Variants in DNAI4 observed in about 807,000 individuals in gnomAD.
DNAI4 encodes dynein axonemal intermediate chain 4, also known as WD repeat domain 78.
DNAI4 carries 85 observed loss-of-function variants against 105.8 expected under a neutral mutation model. That is an observed-to-expected ratio of 0.80 (90% CI 0.67 to 0.96). The LOEUF (loss-of-function observed/expected upper bound fraction) is 0.96. Ranked by LOEUF, DNAI4 falls within the 40% of genes least tolerant of loss-of-function variation. DNAI4 has a pLI of 0.00. For synonymous variants in DNAI4, 352 were observed against 331.5 expected (o/e 1.06, Z -0.67); for missense variants, 1,014 against 1,005.6 (o/e 1.01, Z -0.11).
rs141206309 is a variant in DNAI4 at position 66,912,542 on chromosome 1, T to C, written c.171-7167A>G. On this transcript the variant is annotated intron_variant, in intron 1 of 16. Transcript: ENST00000371026. The stretch of plus-strand genomic sequence containing the variant: ...ACCTGTGACCTGGAAGCCTTCTCTC[T>C]GCTTCAAGTTGTTCCACCTTTCTGG... Among the ~76,000 whole-genome samples the C allele has an allele frequency of 7.9e-5, 12 of 152,272 alleles. No individual in the cohort carries two copies. In the East Asian group the frequency reaches 2.3e-3, roughly 29 times the overall value.
chr1:66,870,748 C>CAAAAAAAAAAAA (rs1184105731), intron 6 of DNAI4: 1 of 16,608 alleles, frequency 6.0e-5, no homozygotes, highest in Non-Finnish European at 1.1e-4. Context: ...GACTCTGACG[C>CAAAAAAAAAAAA]AAAAAAAAAA....
rs942929155 is a variant in DNAI4 at position 66,813,300 on chromosome 1, C to G, written c.*830G>C. 3.3e-5 allele frequency: 5 copies of G among 152,358 alleles called. No individual in the cohort carries two copies. The highest frequency in any genetic ancestry group is 1.2e-4 in the African/African-American group (5 of 41,438). The allele number at this position is 152,358 out of a possible 1,614,324, so 9.4% of individuals were successfully genotyped here. On this transcript the variant is annotated 3_prime_UTR_variant, in exon 17 of 17. Coordinates refer to ENST00000371026, the MANE Select transcript of DNAI4 (RefSeq NM_024763.5). Reference sequence around the variant, plus strand: ...GTTAAAACAAACTGCATAGAATGGCCTGTTAGCAATGAATATTTGGAGGAG... The same window carrying G: ...GTTAAAACAAACTGCATAGAATGGCGTGTTAGCAATGAATATTTGGAGGAG...
At chr1:66,836,469 AG>A (rs1247803457) in intron 10 of DNAI4, among the ~76,000 whole-genome samples, 2 of 152,190 alleles carry the variant, frequency 1.3e-5, no homozygotes, top group Admixed American at 6.5e-5. Flanking sequence ...CTAATCATCT[AG>A]CATATAATTC....
chr1:66,834,045 A>G lies in DNAI4; in HGVS notation c.1837T>C (p.Ser613Pro), dbSNP rs1645926715. ...DGKREILVSI[S>P]ADGRISKWVI... ...CATTTGGAGATTCTTCCATCTGCTGATATAGAAACTAGTATTTCTCTTTTG... is the reference window on the plus strand; with the variant it reads ...CATTTGGAGATTCTTCCATCTGCTGGTATAGAAACTAGTATTTCTCTTTTG... Residue 613 changes from serine (S) to proline (P), a missense_variant, in exon 12 of 17, where the codon TCA (serine) becomes CCA (proline). Ser to Pro is a moderately conservative substitution (Grantham distance 74). Coordinates refer to ENST00000371026, the MANE Select transcript of DNAI4 (RefSeq NM_024763.5). 1.2e-6 allele frequency: 2 copies of G among 1,612,382 alleles called. No homozygotes were observed. The highest frequency in any genetic ancestry group is 1.7e-5 in the Admixed American group (1 of 59,736).
intron 1 of DNAI4, among the ~76,000 whole-genome samples, chr1:66,916,305 A>C (rs1441510175): frequency 6.6e-6 from 1 of 152,174 alleles, no homozygotes; most frequent in Non-Finnish European, 1.5e-5. Flanking sequence ...ATTGAGATTA[A>C]ATTTTTTTTA....
At chr1:66,909,285 TACACACACACACACACACAC>T (rs71058481) in intron 1 of DNAI4, among the ~76,000 whole-genome samples, 1 of 134,466 alleles carries the variant, frequency 7.4e-6, no homozygotes, top group Admixed American at 7.5e-5. Flanking sequence ...CACCTCTCTC[TACACACACACACACACACAC>T]ACACACACAC....
chr1:66,902,234 G>A lies in DNAI4; in HGVS notation c.345+2967C>T, dbSNP rs144463206. Among the ~76,000 whole-genome samples, 574 of 151,706 alleles carry A rather than the reference G, an allele frequency of 3.8e-3. 3 individuals carry two copies. The highest frequency in any genetic ancestry group is 0.013 in the African/African-American group (528 of 41,398). ...GTCTTACCAACACTTATTTTGTTTTGTTTTTTTTAATAGTAGCTGTCATAA... is the reference window on the plus strand; with the variant it reads ...GTCTTACCAACACTTATTTTGTTTTATTTTTTTTAATAGTAGCTGTCATAA... On this transcript the variant is annotated intron_variant, in intron 2 of 16. Transcript: ENST00000371026.
Position 66,862,105 on chromosome 1 carries a change from T to C in DNAI4, c.1096+42A>G, listed in dbSNP as rs1646638301. 3.9e-6 allele frequency: 6 copies of C among 1,530,548 alleles called. No homozygotes were observed. In the African/African-American group the frequency reaches 4.2e-5, roughly 11 times the overall value. The allele number at this position is 1,530,548 out of a possible 1,614,324, so 94.8% of individuals were successfully genotyped here. A position where few individuals can be genotyped will look rare whatever the true frequency, so the allele number is the denominator to read the frequency against. On this transcript the variant is annotated intron_variant, in intron 7 of 16. Coordinates refer to ENST00000371026, the MANE Select transcript of DNAI4 (RefSeq NM_024763.5). Reference sequence around the variant, plus strand: ...AAAAAAGAATTTATTAAAAATGCCATGTTAAAGTCATTCAAAAAAACTAAA... The same window carrying C: ...AAAAAAGAATTTATTAAAAATGCCACGTTAAAGTCATTCAAAAAAACTAAA...
intron 4 of DNAI4, among the ~76,000 whole-genome samples, chr1:66,888,522 G>A (rs1409491773): frequency 2.2e-4 from 33 of 152,178 alleles, no homozygotes; most frequent in South Asian, 4.1e-4. Flanking sequence ...GTGAAACCCC[G>A]TCTCTACTAA....
intron 8 of DNAI4, among the ~76,000 whole-genome samples, chr1:66,846,806 G>A (rs138600354): frequency 7.3e-4 from 111 of 152,200 alleles, no homozygotes; most frequent in African/African-American, 2.5e-3. Flanking sequence ...ACCTCACAAA[G>A]TTTCTATAGC....
chr1:66,836,254 G>GAA (rs1646007626), intron 10 of DNAI4, among the ~76,000 whole-genome samples: 2 of 99,062 alleles, frequency 2.0e-5, no homozygotes, highest in South Asian at 4.0e-4. Flanking sequence ...AAGAGAGAGA[G>GAA]AGAAAGAAAG....
intron 16 of DNAI4, among the ~76,000 whole-genome samples, chr1:66,820,592 C>T (rs936181636): frequency 6.6e-6 from 1 of 151,542 alleles, no homozygotes; most frequent in East Asian, 1.9e-4. Flanking sequence ...AATGCATAAG[C>T]AAGTTTATGT....
In DNAI4 at chr1:66,827,112, C is replaced by T. The variant is rs1645772451; in HGVS notation, c.2113-66G>A. 1.5e-6 allele frequency: 2 copies of T among 1,365,926 alleles called. 1 individual carries two copies. Among genetic ancestry groups the T allele is most frequent in the Admixed American group, 4.4e-5 (2 of 45,084 alleles). The allele number at this position is 1,365,926 out of a possible 1,614,324, so 84.6% of individuals were successfully genotyped here. On this transcript the variant is annotated intron_variant, in intron 14 of 16. Transcript: ENST00000371026. ...CATCTTTTATTTTAAACTTGACCAG[C>T]AAATTAAAAATGCTAAGATTTCTAG...
At position 66,814,177 on chromosome 1, in the gene DNAI4, C is replaced by T. The variant is rs2100269013; in HGVS notation, c.2500G>A (p.Asp834Asn). The T allele has an allele frequency of 6.3e-7, 1 of 1,587,082 alleles. No homozygotes were observed. The highest frequency in any genetic ancestry group is 1.1e-5 in the South Asian group (1 of 87,634). ...GATCCAAGCAAAGTATCCATTATAT[C>T]TCCCTGAAAAAAAAAAGTCACACAA... ...MPTVLETGRG[D>N]IMDTLLGSKS... The change falls in exon 17 of 17, where the codon GAT becomes AAT. Residue 834 changes from aspartate to asparagine, a missense_variant. Asp to Asn is a conservative substitution (Grantham distance 23). Transcript: ENST00000371026.
chr1:66,891,388 T>C (rs183557949), intron 3 of DNAI4, 122 bp from the exon 4 acceptor site: 22 of 605,518 alleles, frequency 3.6e-5, no homozygotes, highest in East Asian at 2.2e-4. Flanking sequence ...ATAAGCAAAA[T>C]AGATACATTA....
intron 6 of DNAI4, among the ~76,000 whole-genome samples, chr1:66,869,400 C>T (rs1357260169): frequency 6.6e-6 from 1 of 151,510 alleles, no homozygotes. Context: ...TACAGTAATC[C>T]ATTTAAAATA....
At chr1:66,923,038 G>A (rs1425430388) in intron 1 of DNAI4, among the ~76,000 whole-genome samples, 2 of 152,156 alleles carry the variant, frequency 1.3e-5, no homozygotes, top group Admixed American at 6.5e-5. Context: ...TGGTAGCAGA[G>A]CTGAAAAATT....
rs756891625 is a variant in DNAI4 at position 66,847,521 on chromosome 1, G to T, written c.1254C>A (p.Pro418=). 3.1e-6 allele frequency: 5 copies of T among 1,613,026 alleles called. No individual in the cohort carries two copies. The Admixed American group carries it at 6.7e-5, about 22-fold the overall frequency. The change falls in exon 8 of 17, where the codon CCC becomes CCA. Residue 418 remains proline, a synonymous_variant. Coordinates refer to ENST00000371026, the MANE Select transcript of DNAI4 (RefSeq NM_024763.5). ...ERVLMENIFQ[P]KLAAYRQLPV... ...GAAGCTGACGATAAGCTGCAAGTTT[G>T]GGCTGAAATATATTTTCCATCAGAA...
In DNAI4 at chr1:66,920,012, A is replaced by C. The variant is rs1569907616; in HGVS notation, c.170+4650T>G. On this transcript the variant is annotated intron_variant, in intron 1 of 16. Transcript: ENST00000371026. ...GTCCCTGGCGAGGGCCCCACCCTCA[A>C]GCCTGGAATCATGGCCCAAAGTGAG... is the stretch of plus-strand genomic sequence containing the variant. 2.6e-5 allele frequency among the ~76,000 whole-genome samples: 4 copies of C among 152,344 alleles called. No individual in the cohort carries two copies. In the Middle Eastern group the frequency reaches 0.01, roughly 389 times the overall value.
Sources: gnomAD v4.1 joint callset for allele counts (sites outside exome capture counted in the v4.1 genomes callset) on GRCh38, gnomAD v4.1.1 for gene constraint, MANE v1.5 for transcripts, NCBI Gene and HGNC (gene_info 2026-07-23, HGNC 2026-07-21) for gene names.